Variants in ZFYVE28 observed in about 807,000 individuals in gnomAD.
ZFYVE28 encodes the protein lateral signaling target protein 2 homolog.
In ZFYVE28, 40 loss-of-function variants were observed where a neutral mutation model predicts 82.1. The ratio of observed to expected loss-of-function variants is 0.49; its 90% confidence interval spans 0.38 to 0.63. The LOEUF is 0.63. Among genes scored for constraint, ZFYVE28 ranks in the 30% least tolerant of loss-of-function variants. ZFYVE28 has a pLI of 0.00. For missense variants in ZFYVE28, 1,321 were observed against 1,242.1 expected (o/e 1.06, Z -0.96); for synonymous variants, 612 against 546.1 (o/e 1.12, Z -1.68).
intron 8 of ZFYVE28, among the ~76,000 whole-genome samples, chr4:2,275,029 C>T (rs1280760743): frequency 1.3e-5 from 2 of 152,130 alleles, no homozygotes; most frequent in Admixed American, 6.5e-5. Flanking sequence ...CCCGCCCCCA[C>T]CTACACTTCC....
intron 1 of ZFYVE28, among the ~76,000 whole-genome samples, chr4:2,395,001 G>A (rs1056109080): frequency 6.6e-6 from 1 of 152,222 alleles, no homozygotes; most frequent in East Asian, 1.9e-4. Flanking sequence ...TCCAGGAGAT[G>A]AAATGAAATG....
At chr4:2,292,866 C>T (rs1713949021) in intron 8 of ZFYVE28, among the ~76,000 whole-genome samples, 1 of 152,164 alleles carries the variant, frequency 6.6e-6, no homozygotes, top group Admixed American at 6.5e-5. Flanking sequence ...CCTGACAGTC[C>T]TCTCAGACAG....
In ZFYVE28 at chr4:2,417,840, G is replaced by C. The variant is rs912165771; in HGVS notation, c.39+445C>G. On this transcript the variant is annotated intron_variant, in intron 1 of 12. Coordinates refer to ENST00000290974, the MANE Select transcript of ZFYVE28 (RefSeq NM_020972.3). This position sits in a 1 kb window ranked among gnomAD's most constrained non-coding sequence, Gnocchi z 4.8. Reference sequence around the variant, plus strand: ...GATCTATTCCGGGCCCAGGACAATGGGGGTGGGGGCAGGACGGGAATGAGG... The same window carrying C: ...GATCTATTCCGGGCCCAGGACAATGCGGGTGGGGGCAGGACGGGAATGAGG... Among the ~76,000 whole-genome samples, 1 of 151,558 alleles carries C rather than the reference G, an allele frequency of 6.6e-6. No homozygotes were observed. The highest frequency in any genetic ancestry group is 2.4e-5 in the African/African-American group (1 of 40,970).
chr4:2,271,640 T>C, intron 11 of ZFYVE28, 35 bp downstream of exon 11: 1 of 1,600,184 alleles, frequency 6.2e-7, no homozygotes. Context: ...CACTGGTGTC[T>C]AGTGCAGTGT....
chr4:2,370,524 G>A (rs3128807), intron 1 of ZFYVE28, among the ~76,000 whole-genome samples: 102,102 of 151,940 alleles, frequency 0.67, 34,562 homozygotes, highest in East Asian at 0.8. Flanking sequence ...GATCTCTTTC[G>A]ACAAATCTTC....
Position 2,341,251 on chromosome 4 carries a change from T to C in ZFYVE28, c.318+227A>G. ...CCTCATAAAAACCACATGGGAAATTTCATTTGTATGTATAGTTTTGGGGGC... is the reference window on the plus strand; with the variant it reads ...CCTCATAAAAACCACATGGGAAATTCCATTTGTATGTATAGTTTTGGGGGC... On this transcript the variant is annotated intron_variant, in intron 3 of 12. Transcript: ENST00000290974. The surrounding 1 kb of genome is among the most constrained non-coding windows in gnomAD (Gnocchi z 4.5). 1 of 608,512 alleles carries C rather than the reference T, an allele frequency of 1.6e-6. No homozygotes were observed. Among genetic ancestry groups the C allele is most frequent in the Non-Finnish European group, 2.8e-6 (1 of 351,782 alleles). 37.7% of individuals were successfully genotyped at this position (608,512 alleles called of 1,614,324 possible).
chr4:2,334,153 C>T (rs757157194), intron 6 of ZFYVE28, among the ~76,000 whole-genome samples: 11 of 152,158 alleles, frequency 7.2e-5, no homozygotes, highest in East Asian at 1.9e-4. Flanking sequence ...TTGTGAAAGA[C>T]GCAACCTCTG....
intron 8 of ZFYVE28, among the ~76,000 whole-genome samples, chr4:2,303,302 C>T (rs771082183): frequency 6.6e-6 from 1 of 152,216 alleles, no homozygotes; most frequent in African/African-American, 2.4e-5. Context: ...CCAAGAACCC[C>T]CTTCCCCAGT....
chr4:2,330,909 G>C, intron 6 of ZFYVE28: 1 of 1,534,484 alleles, frequency 6.5e-7, no homozygotes, highest in African/African-American at 1.4e-5. Flanking sequence ...TCCGGCAAGG[G>C]TCTGAGCAGG....
Position 2,372,628 on chromosome 4 carries a change from G to C in ZFYVE28, c.40-18555C>G, listed in dbSNP as rs1322323690. On this transcript the variant is annotated intron_variant, in intron 1 of 12. Transcript: ENST00000290974. This position sits in a 1 kb window ranked among gnomAD's most constrained non-coding sequence, Gnocchi z 5.2. ...TGAACAGGGCCTGGATTCTGGGAAG[G>C]GACCTGATGAGGGAGGGCCTGCGGC... Among the ~76,000 whole-genome samples, 1 of 152,166 alleles carries C rather than the reference G, an allele frequency of 6.6e-6. No individual in the cohort carries two copies. Among genetic ancestry groups the C allele is most frequent in the Non-Finnish European group, 1.5e-5 (1 of 68,016 alleles).
Position 2,409,184 on chromosome 4 carries a change from G to C in ZFYVE28, c.39+9101C>G, listed in dbSNP as rs554103559. 7.3e-6 allele frequency among the ~76,000 whole-genome samples: 1 copy of C among 137,596 alleles called. No individual in the cohort carries two copies. The highest frequency in any genetic ancestry group is 1.6e-5 in the Non-Finnish European group (1 of 64,188). The allele number at this position is 137,596 out of a possible 152,430, so 90.3% of individuals were successfully genotyped here. A position where few individuals can be genotyped will look rare whatever the true frequency, so the allele number is the denominator to read the frequency against. On this transcript the variant is annotated intron_variant, in intron 1 of 12. Coordinates refer to ENST00000290974, the MANE Select transcript of ZFYVE28 (RefSeq NM_020972.3). The surrounding 1 kb of genome is among the most constrained non-coding windows in gnomAD (Gnocchi z 4.4). ...CACCCCCATCTCCACCCTCCACCTCGCAGCTCCTCTCCTGAGCTCCCCATC... is the reference window on the plus strand; with the variant it reads ...CACCCCCATCTCCACCCTCCACCTCCCAGCTCCTCTCCTGAGCTCCCCATC...
chr4:2,339,720 C>T lies in ZFYVE28; in HGVS notation c.319-65G>A. The T allele has an allele frequency of 6.8e-7, 1 of 1,470,196 alleles. No homozygotes were observed. The highest frequency in any genetic ancestry group is 9.1e-7 in the Non-Finnish European group (1 of 1,101,714). 91.1% of individuals were successfully genotyped at this position (1,470,196 alleles called of 1,614,324 possible). A position where few individuals can be genotyped will look rare whatever the true frequency, so the allele number is the denominator to read the frequency against. On this transcript the variant is annotated intron_variant, in intron 3 of 12. Coordinates refer to ENST00000290974, the MANE Select transcript of ZFYVE28 (RefSeq NM_020972.3). This position sits in a 1 kb window ranked among gnomAD's most constrained non-coding sequence, Gnocchi z 5.0. Reference sequence around the variant, plus strand: ...GGCCAGGCTCTCAGGGGTCGCCGACCCGGGGAACCTGACTGCGCACCTCGG... The same window carrying T: ...GGCCAGGCTCTCAGGGGTCGCCGACTCGGGGAACCTGACTGCGCACCTCGG...
intron 8 of ZFYVE28, among the ~76,000 whole-genome samples, chr4:2,288,221 C>T (rs932784780): frequency 2.6e-5 from 4 of 152,220 alleles, no homozygotes; most frequent in Non-Finnish European, 5.9e-5. Flanking sequence ...GCCCGAGGAC[C>T]TGCATCACCT....
At chr4:2,273,084 G>T in intron 10 of ZFYVE28, 89 bp downstream of exon 10, 1 of 1,099,000 alleles carries the variant, frequency 9.1e-7, no homozygotes, top group East Asian at 2.4e-5. Context: ...CCCAGGGCCA[G>T]AAGGTGTGGA....
At chr4:2,410,739 C>A (rs1481786925) in intron 1 of ZFYVE28, among the ~76,000 whole-genome samples, 2 of 152,128 alleles carry the variant, frequency 1.3e-5, no homozygotes, top group Non-Finnish European at 2.9e-5. Flanking sequence ...TCGTGATCCG[C>A]CTGCCTCGAC....
chr4:2,329,097 G>T (rs182705178), intron 6 of ZFYVE28: 484 of 698,728 alleles, frequency 6.9e-4, no homozygotes, highest in Non-Finnish European at 1.1e-3. Context: ...TGGCTATTTA[G>T]GGCCCATTGC....
intron 1 of ZFYVE28, among the ~76,000 whole-genome samples, chr4:2,415,262 A>G (rs1010013693): frequency 6.6e-6 from 1 of 152,210 alleles, no homozygotes; most frequent in Non-Finnish European, 1.5e-5. Flanking sequence ...TTTTATAACT[A>G]TAAGAACAGT....
At chr4:2,346,327 G>C (rs1460945210) in intron 2 of ZFYVE28, among the ~76,000 whole-genome samples, 1 of 145,666 alleles carries the variant, frequency 6.9e-6, no homozygotes. Flanking sequence ...GGGTGACTGA[G>C]CGAGACTCCA....
chr4:2,317,535 C>T (rs530272335), intron 7 of ZFYVE28, among the ~76,000 whole-genome samples: 19 of 152,286 alleles, frequency 1.2e-4, no homozygotes, highest in Non-Finnish European at 1.0e-4. Context: ...TGCAGGAGAC[C>T]GAGTTCTGTC....
Sources: gnomAD v4.1 joint callset for allele counts (sites outside exome capture counted in the v4.1 genomes callset) on GRCh38, gnomAD v4.1.1 for gene constraint, Gnocchi (gnomAD v3.1) non-coding constraint, MANE v1.5 for transcripts, NCBI Gene and HGNC (gene_info 2026-07-23, HGNC 2026-07-21) for gene names.